Variants in LRRC4C observed in about 807,000 individuals in gnomAD.
LRRC4C encodes leucine-rich repeat-containing protein 4C.
Under a neutral mutation model 33.6 loss-of-function variants are expected in LRRC4C, and 5 were observed. The observed-to-expected ratio is 0.15, with a 90% CI of 0.08 to 0.31. The LOEUF is 0.31. LRRC4C is among the 10% of genes least tolerant of loss of function. The pLI, the probability that LRRC4C is intolerant of heterozygous loss-of-function variation, is 1.00. For missense variants in LRRC4C, 560 were observed against 796.7 expected, an observed-to-expected ratio of 0.70 and a Z score of 3.58; for synonymous variants, 329 against 302.0, an observed-to-expected ratio of 1.09 and a Z score of -0.93.
At position 40,652,220 on chromosome 11, in the gene LRRC4C, G is replaced by T. The variant is rs560488084; in HGVS notation, c.-406-3942C>A. Among the ~76,000 whole-genome samples the T allele has an allele frequency of 1.8e-4, 28 of 152,218 alleles. No individual in the cohort carries two copies. The East Asian group carries it at 5.4e-3, about 29-fold the overall frequency. ...AAACAAGAATAAATCTTTAGTGAGG[G>T]TTGCCTTGCATGTAAGCTGCTTTTC... is the stretch of plus-strand genomic sequence containing the variant. On this transcript the variant is annotated intron_variant, in intron 2 of 6. Coordinates refer to ENST00000528697, the MANE Select transcript of LRRC4C (RefSeq NM_001258419.2).
At chr11:40,361,934 A>C (rs544853622) in intron 3 of LRRC4C, among the ~76,000 whole-genome samples, 1 of 152,182 alleles carries the variant, frequency 6.6e-6, no homozygotes, top group African/African-American at 2.4e-5. Context: ...AATGGAACAG[A>C]ATAGAGAACC....
chr11:40,630,892 C>A (rs1044298777), intron 3 of LRRC4C, among the ~76,000 whole-genome samples: 1 of 152,156 alleles, frequency 6.6e-6, no homozygotes, highest in Admixed American at 6.5e-5. Context: ...ATGTTCTCAG[C>A]CCTCTCATGA....
intron 2 of LRRC4C, among the ~76,000 whole-genome samples, chr11:40,661,948 T>A (rs945936638): frequency 1.3e-5 from 2 of 152,176 alleles, no homozygotes; most frequent in African/African-American, 2.4e-5. Flanking sequence ...CAGAGACATT[T>A]ATCTAAATTC....
intron 3 of LRRC4C, among the ~76,000 whole-genome samples, chr11:40,439,996 A>G (rs1027374213): frequency 6.6e-6 from 1 of 152,220 alleles, no homozygotes; most frequent in Admixed American, 6.5e-5. Context: ...GTTTATGGAT[A>G]ATTACTGGCT....
chr11:40,628,301 C>T (rs890216959), intron 3 of LRRC4C, among the ~76,000 whole-genome samples: 5 of 152,038 alleles, frequency 3.3e-5, no homozygotes, highest in Admixed American at 1.3e-4. Context: ...CACGGTGAAA[C>T]CCCGTCTCTA....
In LRRC4C at chr11:41,239,529, C is replaced by A. The variant is rs574304375; in HGVS notation, c.-496+219902G>T. Among the ~76,000 whole-genome samples the A allele has an allele frequency of 4.6e-5, 7 of 152,076 alleles. No individual in the cohort carries two copies. In the South Asian group the frequency reaches 1.0e-3, roughly 23 times the overall value. On this transcript the variant is annotated intron_variant, in intron 1 of 6. Transcript: ENST00000528697. ...CTTTGAACTGGCTATTCCCTGTACC[C>A]GGAATTTATCTCCCCTAGGTAGATG...
At chr11:40,938,964 A>G (rs1319163144) in intron 1 of LRRC4C, among the ~76,000 whole-genome samples, 1 of 152,162 alleles carries the variant, frequency 6.6e-6, no homozygotes, top group Non-Finnish European at 1.5e-5. Context: ...ACAAACAGAG[A>G]AAATATTATC....
At chr11:40,236,353 A>C (rs941285053) in intron 5 of LRRC4C, among the ~76,000 whole-genome samples, 10 of 152,168 alleles carry the variant, frequency 6.6e-5, no homozygotes, top group African/African-American at 2.4e-4. Context: ...CTCCTCTGTA[A>C]TTATTATTTT....
intron 3 of LRRC4C, among the ~76,000 whole-genome samples, chr11:40,343,382 A>G (rs1946962913): frequency 6.6e-6 from 1 of 152,106 alleles, no homozygotes; most frequent in Non-Finnish European, 1.5e-5. Flanking sequence ...TTTTTGATTT[A>G]GTGGTAAATA....
At chr11:41,417,319 A>G (rs1320736892) in intron 1 of LRRC4C, among the ~76,000 whole-genome samples, 1 of 152,094 alleles carries the variant, frequency 6.6e-6, no homozygotes, top group African/African-American at 2.4e-5. Flanking sequence ...GGGCCCTGAG[A>G]GTGAACCAAC....
chr11:40,435,556 T>A (rs1334732868), intron 3 of LRRC4C, among the ~76,000 whole-genome samples: 1 of 152,114 alleles, frequency 6.6e-6, no homozygotes, highest in Admixed American at 6.5e-5. Context: ...AAATCTTCAC[T>A]GGAAGAGCAA....
At chr11:40,137,163 C>CGTGT (rs3039962) in intron 6 of LRRC4C, among the ~76,000 whole-genome samples, 70 of 147,790 alleles carry the variant, frequency 4.7e-4, no homozygotes, top group South Asian at 8.7e-4. Context: ...CACGTGGGCA[C>CGTGT]GTGTGTGTGT....
At chr11:41,305,244 C>CT (rs1158933799) in intron 1 of LRRC4C, among the ~76,000 whole-genome samples, 1 of 53,150 alleles carries the variant, frequency 1.9e-5, no homozygotes, top group Non-Finnish European at 4.8e-5. Context: ...GTCAGCCCCC[C>CT]GCCCGGCCAG....
At chr11:41,360,785 A>G (rs1255180841) in intron 1 of LRRC4C, among the ~76,000 whole-genome samples, 1 of 152,230 alleles carries the variant, frequency 6.6e-6, no homozygotes. Flanking sequence ...TGAGGAGACC[A>G]GAGTAGAAAT....
At chr11:41,077,064 G>T (rs1939206066) in intron 1 of LRRC4C, among the ~76,000 whole-genome samples, 1 of 152,222 alleles carries the variant, frequency 6.6e-6, no homozygotes, top group African/African-American at 2.4e-5. Context: ...TGTTATGCAA[G>T]GGGTGGGCTC....
At chr11:40,506,841 T>A (rs10837428) in intron 3 of LRRC4C, among the ~76,000 whole-genome samples, 27,581 of 151,894 alleles carry the variant, frequency 0.18, 3,087 homozygotes, top group African/African-American at 0.32. Flanking sequence ...AAAATTTATT[T>A]TAGGTTTAAG....
At chr11:40,267,541 T>C (rs1942370210) in intron 4 of LRRC4C, among the ~76,000 whole-genome samples, 1 of 152,046 alleles carries the variant, frequency 6.6e-6, no homozygotes, top group Non-Finnish European at 1.5e-5. Flanking sequence ...TCAGTAGAGA[T>C]GGGGTTTCAC....
intron 2 of LRRC4C, among the ~76,000 whole-genome samples, chr11:40,769,635 T>C (rs921053929): frequency 1.3e-5 from 2 of 152,158 alleles, no homozygotes; most frequent in Admixed American, 1.3e-4. Flanking sequence ...AACAGATACA[T>C]AGACCAATTG....
At chr11:40,945,423 C>G (rs905412421) in intron 1 of LRRC4C, among the ~76,000 whole-genome samples, 1 of 152,100 alleles carries the variant, frequency 6.6e-6, no homozygotes, top group Non-Finnish European at 1.5e-5. Flanking sequence ...TCAATTTATA[C>G]TAACTTACCA....
Sources: allele counts gnomAD v4.1 joint callset (sites outside exome capture counted in the v4.1 genomes callset), GRCh38; gene constraint gnomAD v4.1.1; transcripts MANE v1.5; gene names NCBI Gene and HGNC (gene_info 2026-07-23, HGNC 2026-07-21).